Variants in RPP40 observed in about 807,000 individuals in gnomAD.
RPP40 encodes the protein ribonuclease P/MRP subunit p40.
A neutral mutation model predicts 42.5 loss-of-function variants in RPP40; 30 were observed. The observed-to-expected ratio is 0.71, with a 90% CI of 0.53 to 0.96. The LOEUF is 0.96. Ranked by LOEUF, RPP40 falls within the 40% of genes least tolerant of loss-of-function variation. RPP40 has a pLI of 0.00. For synonymous variants in RPP40, 173 were observed against 164.0 expected (o/e 1.05, Z -0.42); for missense variants, 426 against 433.5 (o/e 0.98, Z 0.15).
At chr6:5,001,140 C>A in intron 2 of RPP40, 1 of 456,752 alleles carries the variant, frequency 2.2e-6, no homozygotes, top group South Asian at 1.5e-5. Flanking sequence ...TCTAGATAAA[C>A]ATACACCTCT....
Position 4,999,937 on chromosome 6 carries a change from C to T in RPP40, c.338-33G>A, listed in dbSNP as rs763675989. 34 of 1,302,328 alleles carry T rather than the reference C, an allele frequency of 2.6e-5. No individual in the cohort carries two copies. In the South Asian group the frequency reaches 4.2e-4, roughly 16 times the overall value. 80.7% of individuals were successfully genotyped at this position (1,302,328 alleles called of 1,614,324 possible). Reference sequence around the variant, plus strand: ...TCAAATAATAACTCCCATAAGATACCAAAACTAGAACTTACGTTGTCTGAC... The same window carrying T: ...TCAAATAATAACTCCCATAAGATACTAAAACTAGAACTTACGTTGTCTGAC... On this transcript the variant is annotated intron_variant, in intron 3 of 7. Transcript: ENST00000380051.
downstream of RPP40, among the ~76,000 whole-genome samples, chr6:4,992,120 G>A (rs1458300705): frequency 2.0e-5 from 3 of 151,938 alleles, no homozygotes; most frequent in African/African-American, 7.3e-5. Context: ...GAGAGATCAC[G>A]AGGTCAGGAG....
In RPP40 at chr6:4,995,959, T is replaced by C; in HGVS notation, c.885A>G (p.Glu295=). 1 of 1,614,010 alleles carries C rather than the reference T, an allele frequency of 6.2e-7. No individual in the cohort carries two copies. The highest frequency in any genetic ancestry group is 8.5e-7 in the Non-Finnish European group (1 of 1,179,892). The change falls in exon 7 of 8, where the codon GAA becomes GAG. Residue 295 remains glutamate (E), a synonymous_variant. Coordinates refer to ENST00000380051, the MANE Select transcript of RPP40 (RefSeq NM_006638.4). ...ILPEKICLLL[E]HLCHYFDEPK... ...AGGTAAAGAGTTCTCACCAGAGATG[T>C]TCCAATAGGAGACAGATCTTCTCTG... is the stretch of plus-strand genomic sequence containing the variant.
At chr6:4,999,607 T>A (rs1484024355) in intron 4 of RPP40, among the ~76,000 whole-genome samples, 1 of 152,196 alleles carries the variant, frequency 6.6e-6, no homozygotes, top group Non-Finnish European at 1.5e-5. Context: ...AAGTCTACAA[T>A]CTTTATTAAA....
chr6:4,996,742 A>G (rs1055045214), intron 5 of RPP40, among the ~76,000 whole-genome samples: 1 of 152,238 alleles, frequency 6.6e-6, no homozygotes, highest in Non-Finnish European at 1.5e-5. Flanking sequence ...TGTATGAATA[A>G]TATTAGTGAA....
chr6:5,003,516 T>C (rs899450221), intron 1 of RPP40: 3 of 182,652 alleles, frequency 1.6e-5, no homozygotes, highest in Non-Finnish European at 3.4e-5. Context: ...AAAAGCGAGG[T>C]GCACGTGGCT....
At chr6:4,995,916 A>T in intron 7 of RPP40, 35 bp downstream of exon 7, 1 of 1,602,046 alleles carries the variant, frequency 6.2e-7, no homozygotes, top group Non-Finnish European at 8.5e-7. Context: ...TCTATAGAGC[A>T]CTGATGAGCG....
At chr6:4,990,561 G>A (rs917751507), downstream of RPP40, among the ~76,000 whole-genome samples, 13 of 151,896 alleles carry the variant, frequency 8.6e-5, no homozygotes, top group Non-Finnish European at 7.4e-5. Flanking sequence ...ATTGCTCACC[G>A]CAGCCTTCAA....
chr6:4,995,503 C>T (rs1300953456), intron 7 of RPP40, among the ~76,000 whole-genome samples: 2 of 152,118 alleles, frequency 1.3e-5, no homozygotes, highest in Admixed American at 6.5e-5. Flanking sequence ...CAGCTGTTCC[C>T]ACCCTCATTC....
At chr6:4,991,750 G>A (rs1162519473), downstream of RPP40, among the ~76,000 whole-genome samples, 4 of 152,088 alleles carry the variant, frequency 2.6e-5, no homozygotes, top group African/African-American at 9.7e-5. Context: ...TGGGTGATAC[G>A]GTTTGGGTCT....
intron 1 of RPP40, among the ~76,000 whole-genome samples, chr6:5,003,304 G>A (rs1313474412): frequency 3.9e-5 from 5 of 126,946 alleles, no homozygotes; most frequent in Admixed American, 1.0e-4. Context: ...CCGAGATCGC[G>A]CCACTGCACT....
chr6:4,999,104 G>C (rs1444399906), intron 4 of RPP40, among the ~76,000 whole-genome samples: 1 of 151,886 alleles, frequency 6.6e-6, no homozygotes, highest in Non-Finnish European at 1.5e-5. Context: ...GACCTTGAGA[G>C]GTCAGGTTTA....
rs1430744855 is a variant in RPP40, at chr6:4,996,289, G to A, written c.691C>T (p.Pro231Ser). The change falls in exon 6 of 8, where the codon CCA (proline) becomes TCA (serine). Residue 231 changes from proline (P) to serine (S), a missense_variant. Coordinates refer to ENST00000380051, the MANE Select transcript of RPP40 (RefSeq NM_006638.4). ...TCCAGAGCCCGGCAGGACACCTCTG[G>A]CGTTCCCTCCAGCTCGCTGCTCTGC... ...VLQSSELEGT[P>S]EVSCRALELF... 8 of 1,614,036 alleles carry A rather than the reference G, an allele frequency of 5.0e-6. No individual in the cohort carries two copies. Among genetic ancestry groups the A allele is most frequent in the Non-Finnish European group, 6.8e-6 (8 of 1,180,056 alleles).
chr6:4,997,613 C>T (rs1164566449), intron 5 of RPP40, among the ~76,000 whole-genome samples: 1 of 152,232 alleles, frequency 6.6e-6, no homozygotes, highest in Non-Finnish European at 1.5e-5. Context: ...GCCTCCATAA[C>T]TGCATGATCA....
chr6:5,001,887 C>A (rs1019116344), intron 2 of RPP40: 3 of 486,900 alleles, frequency 6.2e-6, no homozygotes, highest in African/African-American at 2.0e-5. Context: ...CATCCCCATC[C>A]AACACTTGTG....
chr6:4,994,401 A>T (rs1192823814), downstream of RPP40, among the ~76,000 whole-genome samples: 1 of 152,240 alleles, frequency 6.6e-6, no homozygotes, highest in Non-Finnish European at 1.5e-5. Flanking sequence ...TATAATAAAA[A>T]AAAAATGGTT....
the RPP40 span, among the ~76,000 whole-genome samples, chr6:4,988,520 T>A: frequency 3.3e-5 from 5 of 152,186 alleles, no homozygotes; most frequent in African/African-American, 1.2e-4. Context: ...ACCACTAATC[T>A]GGTCTCCATT....
Position 4,996,410 on chromosome 6 carries a change from T to G in RPP40, c.570A>C (p.Glu190Asp), listed in dbSNP as rs61739238. 6.8e-6 allele frequency: 11 copies of G among 1,612,822 alleles called. No individual in the cohort carries two copies. The African/African-American group carries it at 1.5e-4, about 22-fold the overall frequency. Residue 190 changes from glutamate (E) to aspartate (D), a missense_variant, in exon 6 of 8, where the codon GAA becomes GAC. Glu to Asp is a conservative substitution (Grantham distance 45). Transcript: ENST00000380051. Reference sequence around the variant, plus strand: ...TGGAAAAATATGACATCATTGTCGATTCTTCTGAACCTTAAAAACACACCA... The same window carrying G: ...TGGAAAAATATGACATCATTGTCGAGTCTTCTGAACCTTAAAAACACACCA... ...LLAWHKTGSE[E>D]STMMSYFSKY...
chr6:5,002,004 C>A (rs1221178501), intron 2 of RPP40, 97 bp downstream of exon 2: 9 of 1,056,998 alleles, frequency 8.5e-6, no homozygotes, highest in Non-Finnish European at 1.3e-5. Flanking sequence ...ATACCACAGG[C>A]CCTGTTTGAA....
Sources: gnomAD v4.1 joint callset for allele counts (sites outside exome capture counted in the v4.1 genomes callset) on GRCh38, gnomAD v4.1.1 for gene constraint, MANE v1.5 for transcripts, NCBI Gene and HGNC (gene_info 2026-07-23, HGNC 2026-07-21) for gene names.